Variants in SMC1B observed in about 807,000 individuals in gnomAD.
SMC1B encodes structural maintenance of chromosomes 1B, also known as structural maintenance of chromosomes protein 1B.
SMC1B carries 60 observed loss-of-function variants against 157.9 expected under a neutral mutation model. That is an observed-to-expected ratio of 0.38 (90% confidence interval 0.31 to 0.47). The LOEUF (loss-of-function observed/expected upper bound fraction) is 0.47. SMC1B is among the 20% of genes least tolerant of loss of function. The pLI is 0.99. For synonymous variants in SMC1B, 445 were observed against 483.0 expected (o/e 0.92, Z 1.03); for missense variants, 1,165 against 1,426.2 (o/e 0.82, Z 2.95).
chr22:45,393,611 A>T (rs1268060002), intron 9 of SMC1B, 23 bp downstream of exon 9: 4 of 1,558,008 alleles, frequency 2.6e-6, no homozygotes, highest in Admixed American at 2.0e-5. Context: ...TTTTTGTTTA[A>T]ATTAACTATT....
intron 15 of SMC1B, among the ~76,000 whole-genome samples, chr22:45,364,474 A>G (rs547881469): frequency 9.2e-5 from 14 of 152,342 alleles, no homozygotes; most frequent in Non-Finnish European, 2.1e-4. Flanking sequence ...AAACTCTACT[A>G]GGTCAGTAAT....
chr22:45,401,482 T>G (rs943181479), intron 5 of SMC1B, among the ~76,000 whole-genome samples: 1 of 152,236 alleles, frequency 6.6e-6, no homozygotes, highest in Admixed American at 6.5e-5. Context: ...ACGTGTACAG[T>G]AGAAAAGCTG....
chr22:45,392,680 T>G (rs760115598), intron 9 of SMC1B, among the ~76,000 whole-genome samples: 4 of 151,952 alleles, frequency 2.6e-5, no homozygotes, highest in Non-Finnish European at 5.9e-5. Flanking sequence ...CATGAAAGTG[T>G]GGATATGGAG....
intron 12 of SMC1B, among the ~76,000 whole-genome samples, chr22:45,383,087 C>T (rs951636976): frequency 3.3e-5 from 5 of 151,608 alleles, no homozygotes; most frequent in South Asian, 2.1e-4. Flanking sequence ...GAGCCAAGAT[C>T]GCACCATGGC....
At chr22:45,349,616 G>T in intron 23 of SMC1B, 112 bp downstream of exon 23, 1 of 869,258 alleles carries the variant, frequency 1.2e-6, no homozygotes, top group Non-Finnish European at 1.8e-6. Context: ...TTACAGGCGT[G>T]AGCCACCGTG....
At chr22:45,384,515 T>C (rs1458435405) in intron 11 of SMC1B, among the ~76,000 whole-genome samples, 2 of 151,900 alleles carry the variant, frequency 1.3e-5, no homozygotes, top group East Asian at 1.9e-4. Context: ...AGGTCAGGAG[T>C]TTGAGACGAG....
intron 15 of SMC1B, among the ~76,000 whole-genome samples, chr22:45,365,851 G>A (rs923450328): frequency 4.6e-5 from 7 of 152,028 alleles, no homozygotes; most frequent in African/African-American, 1.7e-4. Flanking sequence ...AGATCTCTAT[G>A]GGAAAAAACT....
chr22:45,395,823 C>T (rs890629576), intron 7 of SMC1B, among the ~76,000 whole-genome samples: 8 of 152,166 alleles, frequency 5.3e-5, no homozygotes, highest in Non-Finnish European at 1.0e-4. Flanking sequence ...CGTCATTGCA[C>T]TCTAGTCTGG....
rs759835566 is a variant in SMC1B at position 45,372,195 on chromosome 22, A to G, written c.2156T>C (p.Leu719Pro). The change falls in exon 13 of 25, where the codon CTA (leucine) becomes CCA (proline). Residue 719 changes from leucine (L) to proline (P), a missense_variant. Physicochemically the swap from Leu to Pro is moderately conservative, Grantham distance 98 (BLOSUM62 -3). Coordinates refer to ENST00000357450, the MANE Select transcript of SMC1B (RefSeq NM_148674.5). ...AAGGTGCTTCTTCTTAATCATCTCTAGTTCATTTTGTGAATATTTGAGTCG... is the reference window on the plus strand; with the variant it reads ...AAGGTGCTTCTTCTTAATCATCTCTGGTTCATTTTGTGAATATTTGAGTCG... ...QTRLKYSQNE[L>P]EMIKKKHLVA... The G allele has an allele frequency of 6.2e-7, 1 of 1,611,968 alleles. No homozygotes were observed. The highest frequency in any genetic ancestry group is 8.5e-7 in the Non-Finnish European group (1 of 1,179,206).
chr22:45,398,054 C>T (rs992027709), intron 6 of SMC1B, among the ~76,000 whole-genome samples: 1 of 152,114 alleles, frequency 6.6e-6, no homozygotes, highest in Admixed American at 6.5e-5. Context: ...GAGCAAGCCC[C>T]AGAGCTGAGG....
chr22:45,354,170 T>C, intron 20 of SMC1B, 38 bp from the exon 21 acceptor site: 1 of 1,453,996 alleles, frequency 6.9e-7, no homozygotes, highest in South Asian at 1.5e-5. Flanking sequence ...TAGAGACCAC[T>C]GAGGAGGTTC....
In SMC1B at chr22:45,344,553, C is replaced by A; in HGVS notation, c.*3G>T. On this transcript the variant is annotated 3_prime_UTR_variant, in exon 25 of 25. Transcript: ENST00000357450. ...TGATCAGGTGACTGCTGCAGGACTG[C>A]CCCTAGCGGGACTCTCCGTGTCTCT... The A allele has an allele frequency of 5.6e-6, 9 of 1,605,916 alleles. No individual in the cohort carries two copies. Among genetic ancestry groups the A allele is most frequent in the Non-Finnish European group, 7.7e-6 (9 of 1,172,560 alleles).
At chr22:45,396,585 C>A in intron 6 of SMC1B, 99 bp from the exon 7 acceptor site, 1 of 972,906 alleles carries the variant, frequency 1.0e-6, no homozygotes, top group East Asian at 2.8e-5. Flanking sequence ...TTAATCTTCC[C>A]AAAAGCTTGC....
In SMC1B at chr22:45,396,584, C is replaced by T. The variant is rs1248590109; in HGVS notation, c.1114-98G>A. 1.4e-5 allele frequency: 14 copies of T among 998,586 alleles called. No homozygotes were observed. The East Asian group carries it at 3.9e-4, about 28-fold the overall frequency. The allele number at this position is 998,586 out of a possible 1,614,324, so 61.9% of individuals were successfully genotyped here. Reference sequence around the variant, plus strand: ...CTGTACTAGAAGATAATTAATCTTCCCAAAAGCTTGCTTTATATAAATTAA... The same window carrying T: ...CTGTACTAGAAGATAATTAATCTTCTCAAAAGCTTGCTTTATATAAATTAA... On this transcript the variant is annotated intron_variant, in intron 6 of 24. Transcript: ENST00000357450.
At chr22:45,386,122 A>C (rs1340879888) in intron 11 of SMC1B, among the ~76,000 whole-genome samples, 1 of 152,092 alleles carries the variant, frequency 6.6e-6, no homozygotes, top group Non-Finnish European at 1.5e-5. Context: ...TTTAGATGAG[A>C]AAACTAAAAC....
chr22:45,344,790 A>G (rs1444360010), intron 24 of SMC1B, 133 bp from the exon 25 acceptor site: 3 of 556,300 alleles, frequency 5.4e-6, no homozygotes, highest in East Asian at 3.1e-5. Context: ...CTGCATTTAT[A>G]TTGGTTGTGG....
intron 1 of SMC1B, among the ~76,000 whole-genome samples, chr22:45,409,977 T>C (rs1479895007): frequency 6.6e-6 from 1 of 152,200 alleles, no homozygotes; most frequent in Non-Finnish European, 1.5e-5. Context: ...TGTGACAATC[T>C]CCCGATAAAA....
chr22:45,361,787 T>C, intron 17 of SMC1B, 52 bp downstream of exon 17: 2 of 1,541,028 alleles, frequency 1.3e-6, no homozygotes. Flanking sequence ...ATAGTTGGTG[T>C]CCATGTTTAA....
chr22:45,377,117 T>C (rs2086890701), intron 12 of SMC1B, among the ~76,000 whole-genome samples: 1 of 152,232 alleles, frequency 6.6e-6, no homozygotes, highest in Non-Finnish European at 1.5e-5. Context: ...TTCTAAAAAA[T>C]ATCCATTTCT....
Sources: allele counts gnomAD v4.1 joint callset (sites outside exome capture counted in the v4.1 genomes callset), GRCh38; gene constraint gnomAD v4.1.1; transcripts MANE v1.5; gene names NCBI Gene and HGNC (gene_info 2026-07-23, HGNC 2026-07-21).